COL5A1: variants seen among roughly 807,000 people sequenced by gnomAD.
COL5A1 encodes collagen type V alpha 1 chain, also known as collagen alpha-1(V) chain.
In COL5A1, 16 loss-of-function variants were observed where a neutral mutation model predicts 263.7. The ratio of observed to expected loss-of-function variants is 0.06; its 90% confidence interval spans 0.04 to 0.09. COL5A1 has a LOEUF of 0.09. COL5A1 is among the 10% of genes least tolerant of loss of function. COL5A1 has a pLI of 1.00. For missense variants in COL5A1, 2,036 were observed against 2,540.5 expected (o/e 0.80, Z 4.27); for synonymous variants, 1,012 against 1,004.5 (o/e 1.01, Z -0.14).
intron 1 of COL5A1, among the ~76,000 whole-genome samples, chr9:134,679,466 C>G (rs1303595117): frequency 2.3e-4 from 5 of 21,990 alleles, no homozygotes; most frequent in African/African-American, 1.1e-3. Context: ...TGCGGGGCTT[C>G]TTAGGGGGCA....
intron 9 of COL5A1, among the ~76,000 whole-genome samples, chr9:134,734,338 T>C (rs554253129): frequency 1.3e-5 from 2 of 149,524 alleles, no homozygotes; most frequent in African/African-American, 4.9e-5. Flanking sequence ...GCAGCAGCCG[T>C]CTGGGTGCAG....
intron 11 of COL5A1, among the ~76,000 whole-genome samples, chr9:134,744,847 A>G (rs1295279273): frequency 6.6e-6 from 1 of 151,362 alleles, no homozygotes; most frequent in Non-Finnish European, 1.5e-5. Context: ...TCATCCATAC[A>G]CATGCACACA....
intron 18 of COL5A1, among the ~76,000 whole-genome samples, chr9:134,759,834 CCACTCACGCACACCCCCACACCCCCA>C (rs1836225593): frequency 1.4e-5 from 1 of 70,602 alleles, no homozygotes. Context: ...CCACACCCCC[CCACTCACGCACACCCCCACACCCCCA>C]CACTCACACA....
intron 31 of COL5A1, among the ~76,000 whole-genome samples, chr9:134,787,685 C>T (rs1837512113): frequency 6.6e-6 from 1 of 152,350 alleles, no homozygotes; most frequent in East Asian, 1.9e-4. Context: ...AATTTGCATT[C>T]ATTCCCAACT....
intron 1 of COL5A1, among the ~76,000 whole-genome samples, chr9:134,667,789 C>T (rs1280865638): frequency 6.6e-6 from 1 of 152,184 alleles, no homozygotes. Flanking sequence ...GACTCTAGGA[C>T]AGGGGGCTCT....
At chr9:134,809,342 G>A (rs374423806) in intron 43 of COL5A1, 52 bp downstream of exon 43, 3 of 1,363,956 alleles carry the variant, frequency 2.2e-6, no homozygotes, top group Non-Finnish European at 3.1e-6. Flanking sequence ...GCAGACGGGT[G>A]TGGGGGAGGG....
At chr9:134,804,262 A>G (rs1175738203) in intron 39 of COL5A1, among the ~76,000 whole-genome samples, 1 of 152,216 alleles carries the variant, frequency 6.6e-6, no homozygotes, top group East Asian at 1.9e-4. Context: ...CGGGCATTTG[A>G]CCTGCTCGTT....
At chr9:134,815,661 C>G in intron 51 of COL5A1, 32 bp downstream of exon 51, 4 of 1,609,020 alleles carry the variant, frequency 2.5e-6, no homozygotes, top group Non-Finnish European at 3.4e-6. Flanking sequence ...GCCACCGGAT[C>G]CCCCACAGTG....
At chr9:134,825,748 T>C in intron 62 of COL5A1, 44 bp from the exon 63 acceptor site, 1 of 1,319,944 alleles carries the variant, frequency 7.6e-7, no homozygotes, top group Non-Finnish European at 1.1e-6. Context: ...CAGGGAGCAA[T>C]CCTTCTGACT....
chr9:134,838,641 GTC>G (rs1315120556), intron 65 of COL5A1, among the ~76,000 whole-genome samples: 1 of 152,216 alleles, frequency 6.6e-6, no homozygotes, highest in Non-Finnish European at 1.5e-5. Flanking sequence ...CCTTGGAAGT[GTC>G]TCTGCGTGCA....
chr9:134,701,062 A>T, intron 3 of COL5A1, 109 bp from the exon 4 acceptor site: 1 of 1,138,592 alleles, frequency 8.8e-7, no homozygotes, highest in Non-Finnish European at 1.3e-6. Flanking sequence ...CCCCACCACG[A>T]TCGTGCAGGA....
rs1833447581 is a variant in COL5A1 at position 134,696,007 on chromosome 9, C to T, written c.278-3902C>T. Among the ~76,000 whole-genome samples, 2 of 152,134 alleles carry T rather than the reference C, an allele frequency of 1.3e-5. No individual in the cohort carries two copies. The highest frequency in any genetic ancestry group is 6.5e-5 in the Admixed American group (1 of 15,284). The stretch of plus-strand genomic sequence containing the variant: ...GGGCCTCTGCCCTGGGCCTGCCATG[C>T]TCCCCTTAGCCCGGCCCCTCCTGGG... On this transcript the variant is annotated intron_variant, in intron 2 of 65. Coordinates refer to ENST00000371817, the MANE Select transcript of COL5A1 (RefSeq NM_000093.5). The surrounding 1 kb of genome is among the most constrained non-coding windows in gnomAD (Gnocchi z 4.3).
intron 11 of COL5A1, among the ~76,000 whole-genome samples, chr9:134,744,402 T>C (rs1835401162): frequency 6.7e-6 from 1 of 150,140 alleles, no homozygotes; most frequent in Non-Finnish European, 1.5e-5. Context: ...CACTCAACCG[T>C]ATATGCACAC....
intron 4 of COL5A1, among the ~76,000 whole-genome samples, chr9:134,706,150 G>T (rs1833831715): frequency 6.6e-6 from 1 of 152,212 alleles, no homozygotes; most frequent in South Asian, 2.1e-4. Flanking sequence ...GGGCGAGTAT[G>T]CCGGAGCTGC....
In COL5A1 at chr9:134,784,950, G is replaced by GTGT. The variant is rs779225921; in HGVS notation, c.2485-39_2485-38insTGT. 0.069 allele frequency: 101,200 copies of GTGT among 1,469,204 alleles called. 3,782 individuals carry two copies. Among genetic ancestry groups the GTGT allele is most frequent in the East Asian group, 0.13 (5,878 of 44,124 alleles). The allele number at this position is 1,469,204 out of a possible 1,614,324, so 91.0% of individuals were successfully genotyped here. ...TGGTGGTGGAGAATAGTGTGTGTGCGGGGGGTGGTCTTCTCACCTCCTCTT... is the reference window on the plus strand; with the variant it reads ...TGGTGGTGGAGAATAGTGTGTGTGCGTGTGGGGGTGGTCTTCTCACCTCCTCTT... On this transcript the variant is annotated intron_variant, in intron 29 of 65. Coordinates refer to ENST00000371817, the MANE Select transcript of COL5A1 (RefSeq NM_000093.5).
At chr9:134,709,592 T>G (rs762425928) in intron 4 of COL5A1, among the ~76,000 whole-genome samples, 69 of 152,124 alleles carry the variant, frequency 4.5e-4, no homozygotes, top group Non-Finnish European at 9.0e-4. Flanking sequence ...CAAGGAGGGG[T>G]CCAGAGACCC....
chr9:134,759,440 C>CA (rs1285808983), intron 18 of COL5A1, among the ~76,000 whole-genome samples: 3 of 111,812 alleles, frequency 2.7e-5, no homozygotes, highest in African/African-American at 1.4e-4. Flanking sequence ...CATGCACACA[C>CA]CCACACCCAC....
rs574355137 is a variant in COL5A1 at position 134,842,727 on chromosome 9, A to G, written c.*424A>G. 4.7e-4 allele frequency: 111 copies of G among 237,098 alleles called. No homozygotes were observed. The highest frequency in any genetic ancestry group is 1.2e-3 in the South Asian group (18 of 14,898). The allele number at this position is 237,098 out of a possible 1,614,324, so 14.7% of individuals were successfully genotyped here. A position where few individuals can be genotyped will look rare whatever the true frequency, so the allele number is the denominator to read the frequency against. ...AGATGTGTATTTCCCCTGACCTTCA[A>G]AAAATGTTCCAAGGTAAGCCTCGTA... On this transcript the variant is annotated 3_prime_UTR_variant, in exon 66 of 66. Coordinates refer to ENST00000371817, the MANE Select transcript of COL5A1 (RefSeq NM_000093.5). This position sits in a 1 kb window ranked among gnomAD's most constrained non-coding sequence, Gnocchi z 5.8.
rs917353755 is a variant in COL5A1 at position 134,741,997 on chromosome 9, C to A, written c.1494+3189C>A. 1.3e-5 allele frequency among the ~76,000 whole-genome samples: 2 copies of A among 152,046 alleles called. No homozygotes were observed. The highest frequency in any genetic ancestry group is 2.9e-5 in the Non-Finnish European group (2 of 68,020). On this transcript the variant is annotated intron_variant, in intron 11 of 65. Transcript: ENST00000371817. This position sits in a 1 kb window ranked among gnomAD's most constrained non-coding sequence, Gnocchi z 4.5. ...CCTGCTCCCTGTGGGCAGCCGTGGG[C>A]AGCCGTGGCAATTGGCTGGGAGCCG...
Sources: gnomAD v4.1 joint callset for allele counts (sites outside exome capture counted in the v4.1 genomes callset) on GRCh38, gnomAD v4.1.1 for gene constraint, Gnocchi (gnomAD v3.1) non-coding constraint, MANE v1.5 for transcripts, NCBI Gene and HGNC (gene_info 2026-07-23, HGNC 2026-07-21) for gene names.